Variants in CYP27C1 observed in about 807,000 individuals in gnomAD.
CYP27C1 encodes cytochrome P450 family 27 subfamily C member 1.
CYP27C1 carries 29 observed loss-of-function variants against 40.6 expected under a neutral mutation model. The observed-to-expected ratio is 0.71, with a 90% CI of 0.53 to 0.97. The LOEUF is 0.97. CYP27C1 is among the 50% of genes least tolerant of loss of function. The pLI, the probability that CYP27C1 is intolerant of heterozygous loss-of-function variation, is 0.00. For missense variants in CYP27C1, 390 were observed against 485.8 expected, an observed-to-expected ratio of 0.80 and a Z score of 1.85; for synonymous variants, 198 against 186.8, an observed-to-expected ratio of 1.06 and a Z score of -0.49.
Position 127,209,745 on chromosome 2 carries a change from C to T in CYP27C1, c.283-3655G>A, listed in dbSNP as rs1485414400. On this transcript the variant is annotated intron_variant, in intron 1 of 8. Coordinates refer to ENST00000664447, the MANE Select transcript of CYP27C1 (RefSeq NM_001367502.1). The surrounding 1 kb of genome is among the most constrained non-coding windows in gnomAD (Gnocchi z 4.1). The stretch of plus-strand genomic sequence containing the variant: ...CACAGGTATCAACAGCCAAATCGAC[C>T]AAGTGGAAGAAAGGATATCAGAATT... 6.6e-6 allele frequency among the ~76,000 whole-genome samples: 1 copy of T among 152,024 alleles called. No individual in the cohort carries two copies. Among genetic ancestry groups the T allele is most frequent in the African/African-American group, 2.4e-5 (1 of 41,378 alleles).
chr2:127,187,519 G>C (rs1368333087), intron 8 of CYP27C1, 132 bp from the exon 9 acceptor site: 2 of 709,880 alleles, frequency 2.8e-6, no homozygotes, highest in African/African-American at 3.6e-5. Flanking sequence ...CCCACATCCA[G>C]CTTTTGGAGG....
intron 5 of CYP27C1, 94 bp downstream of exon 5, chr2:127,199,281 CA>C: frequency 6.6e-7 from 1 of 1,506,722 alleles, no homozygotes; most frequent in Non-Finnish European, 9.0e-7. Context: ...AGTAAAACTC[CA>C]TCCTCCCGCT....
intron 1 of CYP27C1, among the ~76,000 whole-genome samples, chr2:127,211,380 T>TG (rs1558933881): frequency 3.9e-5 from 5 of 127,800 alleles, no homozygotes; most frequent in Admixed American, 7.5e-5. Flanking sequence ...TTTTTTTTTT[T>TG]TTTTTTTTTT....
At chr2:127,193,383 C>G in intron 7 of CYP27C1, 86 bp from the exon 8 acceptor site, 1 of 1,544,278 alleles carries the variant, frequency 6.5e-7, no homozygotes, top group Non-Finnish European at 8.9e-7. Flanking sequence ...GCCGGACAGT[C>G]TCCCGGGGTG....
chr2:127,216,424 T>C (rs1308739640), intron 1 of CYP27C1, among the ~76,000 whole-genome samples: 1 of 152,120 alleles, frequency 6.6e-6, no homozygotes, highest in Admixed American at 6.6e-5. Flanking sequence ...TATACTGAAA[T>C]GTTTAAAGTG....
intron 1 of CYP27C1, among the ~76,000 whole-genome samples, chr2:127,206,677 G>A (rs1240399569): frequency 6.6e-6 from 1 of 152,160 alleles, no homozygotes; most frequent in Non-Finnish European, 1.5e-5. Context: ...GTCATTATAA[G>A]AGACAAATGT....
chr2:127,204,459 A>AG (rs1491097326), intron 2 of CYP27C1, among the ~76,000 whole-genome samples: 634 of 51,788 alleles, frequency 0.012, 44 homozygotes, highest in Non-Finnish European at 0.019. Flanking sequence ...AAAGAAAGAA[A>AG]GAAAGAAAGA....
chr2:127,204,602 A>AAGCAAGCAAGC (rs1558931515), intron 2 of CYP27C1, among the ~76,000 whole-genome samples: 42 of 99,788 alleles, frequency 4.2e-4, no homozygotes, highest in African/African-American at 1.7e-3. Context: ...AGAAAGAAAG[A>AAGCAAGCAAGC]AAGAAAGAAA....
At position 127,200,155 on chromosome 2, in the gene CYP27C1, T is replaced by G. The variant is rs905052654; in HGVS notation, c.884-616A>C. Among the ~76,000 whole-genome samples, 4 of 152,220 alleles carry G rather than the reference T, an allele frequency of 2.6e-5. No individual in the cohort carries two copies. The highest frequency in any genetic ancestry group is 5.9e-5 in the Non-Finnish European group (4 of 68,038). On this transcript the variant is annotated intron_variant, in intron 4 of 8. Transcript: ENST00000664447. The surrounding 1 kb of genome is among the most constrained non-coding windows in gnomAD (Gnocchi z 4.2). Reference sequence around the variant, plus strand: ...CCACCACGCCCAGCTAATTTTTGTATTTTTAGTAGAGACGCAGTTTCGCCA... The same window carrying G: ...CCACCACGCCCAGCTAATTTTTGTAGTTTTAGTAGAGACGCAGTTTCGCCA...
At position 127,193,093 on chromosome 2, in the gene CYP27C1, C is replaced by T; in HGVS notation, c.1497+1G>A. ...GCCAACGTTTGGCCTCCACGCCCTACCTGGATCACGACGAGGTGAATCTCC... is the reference window on the plus strand; with the variant it reads ...GCCAACGTTTGGCCTCCACGCCCTATCTGGATCACGACGAGGTGAATCTCC... On this transcript the variant is annotated splice_donor_variant, in intron 8 of 8. Transcript: ENST00000664447. LOFTEE classifies it high-confidence loss of function. The T allele has an allele frequency of 6.2e-7, 1 of 1,614,108 alleles. No homozygotes were observed.
At position 127,187,324 on chromosome 2, in the gene CYP27C1, C is replaced by G; in HGVS notation, c.1561G>C (p.Gly521Arg). The G allele has an allele frequency of 2.5e-6, 4 of 1,614,110 alleles. No individual in the cohort carries two copies. The highest frequency in any genetic ancestry group is 3.4e-6 in the Non-Finnish European group (4 of 1,180,018). ...ATGGGCCCCCCTGGCGTCAGGAGCC[C>G]GTGGGTTTTTGCATGAACAGCATTG... is the stretch of plus-strand genomic sequence containing the variant. ...QTNAVHAKTHGLLTPGGPIHV... is the reference protein window; with the variant it reads ...QTNAVHAKTHRLLTPGGPIHV... The change falls in exon 9 of 9, where the codon GGG becomes CGG. Residue 521 changes from glycine (G) to arginine (R), a missense_variant. Transcript: ENST00000664447.
Position 127,184,807 on chromosome 2 carries a change from C to G in CYP27C1, c.*2464G>C, listed in dbSNP as rs1389082026. The stretch of plus-strand genomic sequence containing the variant: ...ACTCTATTCTGGATTTTGCTGACTG[C>G]ATCCCCATGGAGTTTGTTTGTGTGT... On this transcript the variant is annotated 3_prime_UTR_variant, in exon 9 of 9. Transcript: ENST00000664447. The G allele has an allele frequency of 6.6e-6, 1 of 152,290 alleles. No individual in the cohort carries two copies. 9.4% of individuals were successfully genotyped at this position (152,290 alleles called of 1,614,324 possible). A position where few individuals can be genotyped will look rare whatever the true frequency, so the allele number is the denominator to read the frequency against.
intron 5 of CYP27C1, among the ~76,000 whole-genome samples, chr2:127,198,679 C>T (rs546736175): frequency 2.0e-5 from 3 of 152,306 alleles, no homozygotes; most frequent in East Asian, 3.9e-4. Flanking sequence ...GTTAGATACA[C>T]ACATACTTAC....
At position 127,204,480 on chromosome 2, in the gene CYP27C1, GAAA is replaced by G. The variant is rs1558931039; in HGVS notation, c.474-912_474-910del. Among the ~76,000 whole-genome samples the G allele has an allele frequency of 2.2e-3, 162 of 74,664 alleles. 10 individuals are homozygous for G. The highest frequency in any genetic ancestry group is 7.7e-3 in the African/African-American group (144 of 18,582). The allele number at this position is 74,664 out of a possible 152,430, so 49.0% of individuals were successfully genotyped here. A position where few individuals can be genotyped will look rare whatever the true frequency, so the allele number is the denominator to read the frequency against. ...AGAAAGAAAGAAAGAAAGAAAGAAAGAAAGAAAGGAAGGAAGGAAGGAAGGAAA... is the reference window on the plus strand; with the variant it reads ...AGAAAGAAAGAAAGAAAGAAAGAAAGGAAAGGAAGGAAGGAAGGAAGGAAA... On this transcript the variant is annotated intron_variant, in intron 2 of 8. Transcript: ENST00000664447.
intron 1 of CYP27C1, among the ~76,000 whole-genome samples, chr2:127,212,022 A>G (rs554571287): frequency 3.3e-5 from 5 of 152,342 alleles, no homozygotes; most frequent in East Asian, 1.9e-4. Context: ...AACTACCATC[A>G]GAGAATACTA....
At chr2:127,194,985 A>G (rs1430945668) in intron 6 of CYP27C1, among the ~76,000 whole-genome samples, 1 of 151,888 alleles carries the variant, frequency 6.6e-6, no homozygotes, top group Non-Finnish European at 1.5e-5. Context: ...GCCTACCACC[A>G]CGCCCTGCTA....
Position 127,187,302 on chromosome 2 carries a change from G to A in CYP27C1, c.1583C>T (p.Pro528Leu). Residue 528 changes from proline (P) to leucine (L), a missense_variant, in exon 9 of 9, where the codon CCC becomes CTC. Coordinates refer to ENST00000664447, the MANE Select transcript of CYP27C1 (RefSeq NM_001367502.1). ...KTHGLLTPGG[P>L]IHVRFVNRK ...TCTGTTAACAAATCGCACGTGGATG[G>A]GCCCCCCTGGCGTCAGGAGCCCGTG... 1.2e-6 allele frequency: 2 copies of A among 1,614,174 alleles called. No individual in the cohort carries two copies. The highest frequency in any genetic ancestry group is 1.3e-5 in the African/African-American group (1 of 75,050).
At chr2:127,187,746 G>A (rs956989472) in intron 8 of CYP27C1, among the ~76,000 whole-genome samples, 1 of 152,176 alleles carries the variant, frequency 6.6e-6, no homozygotes, top group Admixed American at 6.5e-5. Flanking sequence ...AGGAGCAGGG[G>A]GAAATGCGGA....
intron 5 of CYP27C1, among the ~76,000 whole-genome samples, chr2:127,199,109 A>C (rs552269137): frequency 6.6e-6 from 1 of 152,178 alleles, no homozygotes; most frequent in Non-Finnish European, 1.5e-5. Flanking sequence ...ACATGGTGAA[A>C]CCCCCGTTGC....
Sources: gnomAD v4.1 joint callset for allele counts (sites outside exome capture counted in the v4.1 genomes callset) on GRCh38, gnomAD v4.1.1 for gene constraint, Gnocchi (gnomAD v3.1) non-coding constraint, MANE v1.5 for transcripts, NCBI Gene and HGNC (gene_info 2026-07-23, HGNC 2026-07-21) for gene names.